Variants in MAF observed in about 807,000 individuals in gnomAD.
MAF encodes MAF bZIP transcription factor.
A neutral mutation model predicts 22.0 loss-of-function variants in MAF; 10 were observed. That is an observed-to-expected ratio of 0.45 (90% CI 0.28 to 0.77). MAF has a LOEUF of 0.77. Ranked by LOEUF, MAF falls within the 30% of genes least tolerant of loss-of-function variation. MAF has a pLI of 0.12. For synonymous variants in MAF, 337 were observed against 255.8 expected (o/e 1.32, Z -3.03); for missense variants, 544 against 548.4 (o/e 0.99, Z 0.08).
At chr16:79,211,525 C>T in the MAF span, 6 of 1,572,110 alleles carry the variant, frequency 3.8e-6, no homozygotes, top group Non-Finnish European at 5.2e-6. Context: ...GGGAGGCCTG[C>T]TAATGCCCAG....
the MAF span, among the ~76,000 whole-genome samples, chr16:79,354,011 T>C: frequency 3.3e-5 from 5 of 152,218 alleles, no homozygotes; most frequent in East Asian, 9.7e-4. Flanking sequence ...TTTTAAATTT[T>C]TGAGACAGAA....
the MAF span, among the ~76,000 whole-genome samples, chr16:79,258,416 T>C: frequency 6.6e-6 from 1 of 152,152 alleles, no homozygotes; most frequent in Non-Finnish European, 1.5e-5. Flanking sequence ...GGCTGACAAA[T>C]GGAGCTGCAT....
the MAF span, among the ~76,000 whole-genome samples, chr16:79,442,040 C>G: frequency 1.4e-4 from 22 of 152,174 alleles, no homozygotes; most frequent in Non-Finnish European, 2.6e-4. Context: ...GACCCAGGAG[C>G]TGAGACAGAG....
the MAF span, among the ~76,000 whole-genome samples, chr16:79,325,868 C>A: frequency 6.6e-6 from 1 of 152,152 alleles, no homozygotes; most frequent in Non-Finnish European, 1.5e-5. Context: ...CAGACGGCCC[C>A]AGTCTAGGCA....
chr16:79,333,887 T>C, the MAF span, among the ~76,000 whole-genome samples: 2 of 152,164 alleles, frequency 1.3e-5, no homozygotes, highest in Non-Finnish European at 2.9e-5. Flanking sequence ...GATCTGGTGA[T>C]ACCACCACAT....
At chr16:79,261,846 G>C in the MAF span, among the ~76,000 whole-genome samples, 1 of 152,222 alleles carries the variant, frequency 6.6e-6, no homozygotes, top group Non-Finnish European at 1.5e-5. Context: ...GGGGGCGTTG[G>C]GGGTGGAGGT....
the MAF span, among the ~76,000 whole-genome samples, chr16:79,520,602 G>A: frequency 6.6e-6 from 1 of 152,146 alleles, no homozygotes; most frequent in Non-Finnish European, 1.5e-5. Context: ...ACCACAAAAT[G>A]GTGGCCAACT....
At chr16:79,519,281 A>G in the MAF span, among the ~76,000 whole-genome samples, 1 of 152,182 alleles carries the variant, frequency 6.6e-6, no homozygotes, top group Non-Finnish European at 1.5e-5. Context: ...TCTGAAGATA[A>G]TGGAACCCCA....
the MAF span, among the ~76,000 whole-genome samples, chr16:79,248,292 G>T: frequency 1.3e-5 from 2 of 151,840 alleles, no homozygotes; most frequent in Non-Finnish European, 2.9e-5. Context: ...TTGGAATAAA[G>T]CAATTTTCTC....
At chr16:79,487,713 G>A in the MAF span, among the ~76,000 whole-genome samples, 1 of 152,166 alleles carries the variant, frequency 6.6e-6, no homozygotes, top group Non-Finnish European at 1.5e-5. Flanking sequence ...ATGGCTCACT[G>A]TCCACATAGA....
the MAF span, among the ~76,000 whole-genome samples, chr16:79,530,277 G>A: frequency 6.6e-6 from 1 of 152,128 alleles, no homozygotes; most frequent in African/African-American, 2.4e-5. Flanking sequence ...GGTTTTCCGT[G>A]GTCTCAGGAG....
chr16:79,245,497 C>A, the MAF span, among the ~76,000 whole-genome samples: 1 of 151,962 alleles, frequency 6.6e-6, no homozygotes, highest in South Asian at 2.1e-4. Context: ...CAAATTGAAA[C>A]CACAATGAGA....
At chr16:79,218,180 T>C in the MAF span, among the ~76,000 whole-genome samples, 2 of 152,108 alleles carry the variant, frequency 1.3e-5, no homozygotes, top group African/African-American at 2.4e-5. Flanking sequence ...ATAGATGTTA[T>C]GTTATTGCCT....
At chr16:79,515,342 C>G in the MAF span, among the ~76,000 whole-genome samples, 1 of 152,102 alleles carries the variant, frequency 6.6e-6, no homozygotes, top group South Asian at 2.1e-4. Context: ...GACTTTACTA[C>G]GGTGTGAAAG....
the MAF span, among the ~76,000 whole-genome samples, chr16:79,307,515 C>T: frequency 6.6e-6 from 1 of 152,214 alleles, no homozygotes; most frequent in Middle Eastern, 3.2e-3. Context: ...TGAGGAAATA[C>T]CCCACACACA....
At chr16:79,445,068 C>G in the MAF span, among the ~76,000 whole-genome samples, 1 of 152,176 alleles carries the variant, frequency 6.6e-6, no homozygotes, top group Non-Finnish European at 1.5e-5. Flanking sequence ...GAGTCTCACT[C>G]TGTCGCCCAG....
chr16:79,416,965 C>A, the MAF span, among the ~76,000 whole-genome samples: 74 of 152,310 alleles, frequency 4.9e-4, no homozygotes, highest in African/African-American at 1.8e-3. Context: ...TGCACACCAG[C>A]ACACCAGCTT....
At chr16:79,314,714 T>G in the MAF span, among the ~76,000 whole-genome samples, 1 of 152,172 alleles carries the variant, frequency 6.6e-6, no homozygotes, top group South Asian at 2.1e-4. Context: ...AGGTTCTGTT[T>G]TGTCATTGCT....
the MAF span, among the ~76,000 whole-genome samples, chr16:79,324,465 T>C: frequency 3.3e-5 from 5 of 152,180 alleles, no homozygotes; most frequent in Non-Finnish European, 7.3e-5. Context: ...GCATGGATTT[T>C]GGTATTAGCA....
Sources: allele counts gnomAD v4.1 joint callset (sites outside exome capture counted in the v4.1 genomes callset), GRCh38; gene constraint gnomAD v4.1.1; transcripts MANE v1.5; gene names NCBI Gene and HGNC (gene_info 2026-07-23, HGNC 2026-07-21).